The following SNX29 variants were observed in gnomAD, a reference collection of about 807,000 sequenced individuals.
The protein encoded by SNX29 is sorting nexin 29, also known as sorting nexin-29.
Under a neutral mutation model 102.1 loss-of-function variants are expected in SNX29, and 78 were observed. The observed-to-expected ratio is 0.76, with a 90% CI of 0.64 to 0.92. The LOEUF is 0.92. SNX29 is among the 40% of genes least tolerant of loss of function. SNX29 has a pLI of 0.00. For missense variants in SNX29, 1,280 were observed against 1,061.7 expected, an observed-to-expected ratio of 1.21 and a Z score of -2.86; for synonymous variants, 580 against 414.5, an observed-to-expected ratio of 1.40 and a Z score of -4.85.
At chr16:12,459,270 A>G (rs1295059584) in intron 18 of SNX29, among the ~76,000 whole-genome samples, 1 of 151,156 alleles carries the variant, frequency 6.6e-6, no homozygotes, top group Non-Finnish European at 1.5e-5. Flanking sequence ...CTGAGCTTAG[A>G]TCCTCACAGG....
At chr16:12,319,701 G>A (rs538773524) in intron 15 of SNX29, among the ~76,000 whole-genome samples, 1 of 152,090 alleles carries the variant, frequency 6.6e-6, no homozygotes, top group Non-Finnish European at 1.5e-5. Context: ...AGATTGTCTC[G>A]GCCATAGCTC....
intron 19 of SNX29, among the ~76,000 whole-genome samples, chr16:12,519,961 G>C (rs1003539795): frequency 1.3e-5 from 2 of 152,076 alleles, no homozygotes; most frequent in Non-Finnish European, 2.9e-5. Flanking sequence ...TCCAGCCTGG[G>C]CGACAGAGCG....
At chr16:11,983,566 G>T in intron 1 of SNX29, 1 of 768,808 alleles carries the variant, frequency 1.3e-6, no homozygotes, top group Non-Finnish European at 1.6e-6. Context: ...CCTTGTGAAG[G>T]CACTGGATTG....
chr16:12,018,786 C>T (rs1228971995), intron 3 of SNX29, among the ~76,000 whole-genome samples: 5 of 147,618 alleles, frequency 3.4e-5, no homozygotes, highest in Non-Finnish European at 7.4e-5. Flanking sequence ...TGCGGTCTCG[C>T]GATATTGCCC....
At chr16:12,252,759 G>A (rs539196736) in intron 14 of SNX29, among the ~76,000 whole-genome samples, 4 of 152,302 alleles carry the variant, frequency 2.6e-5, no homozygotes, top group African/African-American at 7.2e-5. Flanking sequence ...AGAGGCAGCC[G>A]CCATTGGAGG....
chr16:12,063,092 C>T (rs936017929), intron 9 of SNX29, among the ~76,000 whole-genome samples: 2 of 152,184 alleles, frequency 1.3e-5, no homozygotes, highest in Non-Finnish European at 2.9e-5. Context: ...AACTCATCTG[C>T]TCTTGAGCAC....
At chr16:12,538,887 GCA>G (rs759025919) in intron 20 of SNX29, among the ~76,000 whole-genome samples, 87 of 146,042 alleles carry the variant, frequency 6.0e-4, no homozygotes, top group Middle Eastern at 3.4e-3. Context: ...TTGTACACTT[GCA>G]CAGATTAATG....
At chr16:12,461,913 G>A (rs1424473690) in intron 18 of SNX29, among the ~76,000 whole-genome samples, 10 of 128,792 alleles carry the variant, frequency 7.8e-5, no homozygotes, top group African/African-American at 2.4e-4. Flanking sequence ...CTGAGATTGC[G>A]CCACTGCACT....
intron 1 of SNX29, among the ~76,000 whole-genome samples, chr16:11,991,417 A>G (rs947574117): frequency 4.6e-5 from 7 of 152,192 alleles, no homozygotes; most frequent in Non-Finnish European, 5.9e-5. Context: ...AGGAAGAGCC[A>G]TGCCAGGCAG....
intron 18 of SNX29, among the ~76,000 whole-genome samples, chr16:12,461,899 T>C (rs1239259098): frequency 7.4e-6 from 1 of 135,222 alleles, no homozygotes; most frequent in African/African-American, 2.8e-5. Flanking sequence ...GAGGTTGCAG[T>C]GAGCTGAGAT....
At chr16:12,173,259 G>C (rs2076188887) in intron 13 of SNX29, among the ~76,000 whole-genome samples, 1 of 152,182 alleles carries the variant, frequency 6.6e-6, no homozygotes, top group Admixed American at 6.5e-5. Context: ...CAACAGCCAG[G>C]CTTGCAGAGA....
intron 18 of SNX29, among the ~76,000 whole-genome samples, chr16:12,412,100 G>A (rs1448980410): frequency 6.6e-6 from 1 of 152,200 alleles, no homozygotes; most frequent in Non-Finnish European, 1.5e-5. Flanking sequence ...AAGTTCAAGG[G>A]CGGTTACATG....
chr16:12,289,137 A>C (rs2079706941), intron 15 of SNX29, among the ~76,000 whole-genome samples: 1 of 152,220 alleles, frequency 6.6e-6, no homozygotes, highest in African/African-American at 2.4e-5. Flanking sequence ...TGATGTGAGC[A>C]CTTACTGGGT....
intron 18 of SNX29, among the ~76,000 whole-genome samples, chr16:12,467,165 G>A (rs923907087): frequency 2.0e-5 from 3 of 152,194 alleles, no homozygotes; most frequent in African/African-American, 7.2e-5. Context: ...GTAAGGGAGA[G>A]TTGCAAATTC....
chr16:12,142,384 GT>G (rs1380921516), intron 13 of SNX29, among the ~76,000 whole-genome samples: 1 of 151,364 alleles, frequency 6.6e-6, no homozygotes, highest in Non-Finnish European at 1.5e-5. Flanking sequence ...GTCTCATGAT[GT>G]ACCCCAGAGC....
chr16:12,445,809 A>T (rs911922421), intron 18 of SNX29, among the ~76,000 whole-genome samples: 1 of 152,090 alleles, frequency 6.6e-6, no homozygotes, highest in African/African-American at 2.4e-5. Context: ...ATATTAACCA[A>T]TTCAAGCCTC....
At chr16:12,329,399 A>T (rs2081228583) in intron 15 of SNX29, among the ~76,000 whole-genome samples, 2 of 151,960 alleles carry the variant, frequency 1.3e-5, no homozygotes, top group Admixed American at 1.3e-4. Context: ...AGCTGTGTCC[A>T]GTTGAACTCT....
chr16:12,198,220 AGT>A (rs1266537070), intron 13 of SNX29, among the ~76,000 whole-genome samples: 1 of 152,180 alleles, frequency 6.6e-6, no homozygotes, highest in African/African-American at 2.4e-5. Context: ...ACCATGGGAA[AGT>A]GTTGAGTGGA....
intron 18 of SNX29, among the ~76,000 whole-genome samples, chr16:12,446,815 A>T (rs2086075802): frequency 6.6e-6 from 1 of 152,130 alleles, no homozygotes; most frequent in Admixed American, 6.5e-5. Context: ...CTGTTTTATT[A>T]ACTGGATCCC....
Sources: gnomAD v4.1 joint callset for allele counts (sites outside exome capture counted in the v4.1 genomes callset) on GRCh38, gnomAD v4.1.1 for gene constraint, MANE v1.5 for transcripts, NCBI Gene and HGNC (gene_info 2026-07-23, HGNC 2026-07-21) for gene names.